The following FRY variants were observed in gnomAD, a reference collection of about 807,000 sequenced individuals.
FRY encodes the protein protein furry homolog.
Under a neutral mutation model 348.4 loss-of-function variants are expected in FRY, and 128 were observed. The ratio of observed to expected loss-of-function variants is 0.37; its 90% CI spans 0.32 to 0.43. FRY has a LOEUF of 0.43. Among genes scored for constraint, FRY ranks in the 20% least tolerant of loss-of-function variants. FRY has a pLI of 1.00. For missense variants in FRY, 2,736 were observed against 3,695.2 expected, an observed-to-expected ratio of 0.74 and a Z score of 6.73; for synonymous variants, 1,370 against 1,374.7, an observed-to-expected ratio of 1.00 and a Z score of 0.08.
intron 58 of FRY, among the ~76,000 whole-genome samples, chr13:32,286,724 G>GGAGACAGAGC (rs2138636796): frequency 8.4e-6 from 1 of 118,590 alleles, no homozygotes; most frequent in Admixed American, 1.1e-4. Flanking sequence ...TCCAGCCTGG[G>GGAGACAGAGC]GAGACAGAGC....
At chr13:32,068,058 T>A (rs1235120206) in intron 1 of FRY, among the ~76,000 whole-genome samples, 1 of 152,018 alleles carries the variant, frequency 6.6e-6, no homozygotes, top group East Asian at 1.9e-4. Flanking sequence ...TGAATTGGGG[T>A]AAGAGGTGTC....
intron 28 of FRY, among the ~76,000 whole-genome samples, chr13:32,188,460 T>G (rs145664115): frequency 1.9e-3 from 284 of 152,264 alleles, no homozygotes; most frequent in African/African-American, 6.6e-3. Context: ...TTGCCCTCAT[T>G]TGATGAGAAG....
intron 24 of FRY, 65 bp downstream of exon 24, chr13:32,183,099 A>G: frequency 1.1e-6 from 1 of 923,842 alleles, no homozygotes; most frequent in South Asian, 1.4e-5. Flanking sequence ...TTTAAATCAA[A>G]CCTAGTGATT....
intron 58 of FRY, among the ~76,000 whole-genome samples, chr13:32,279,839 AAG>A (rs1888725382): frequency 6.6e-6 from 1 of 152,244 alleles, no homozygotes. Context: ...GTTATTGAGC[AAG>A]TTTGCAGTCC....
Position 32,289,614 on chromosome 13 carries a change from A to G in FRY, c.8470-19A>G. ...TCTTTAACAATAACTGTTTCTTCCC[A>G]TGCAATTTCTCTCTTTAGCAATTGG... On this transcript the variant is annotated intron_variant, in intron 58 of 60. Transcript: ENST00000542859. 7.4e-7 allele frequency: 1 copy of G among 1,357,108 alleles called. No individual in the cohort carries two copies. The highest frequency in any genetic ancestry group is 1.1e-6 in the Non-Finnish European group (1 of 945,370). The allele number at this position is 1,357,108 out of a possible 1,614,324, so 84.1% of individuals were successfully genotyped here.
intron 29 of FRY, among the ~76,000 whole-genome samples, chr13:32,200,784 GTTCCTC>G (rs1419642418): frequency 6.6e-6 from 1 of 152,064 alleles, no homozygotes; most frequent in Non-Finnish European, 1.5e-5. Flanking sequence ...TCTATTCTGT[GTTCCTC>G]TCCCCCCATC....
intron 1 of FRY, among the ~76,000 whole-genome samples, chr13:32,066,104 G>A (rs957290911): frequency 3.3e-5 from 5 of 152,088 alleles, no homozygotes; most frequent in African/African-American, 1.2e-4. Flanking sequence ...AATCCTAAAA[G>A]GTCTTTTAAC....
At chr13:32,188,799 G>A (rs1214637913) in intron 28 of FRY, among the ~76,000 whole-genome samples, 1 of 152,060 alleles carries the variant, frequency 6.6e-6, no homozygotes, top group Non-Finnish European at 1.5e-5. Context: ...AAGATCTATA[G>A]AATCTTAATT....
chr13:32,078,808 G>C (rs749119880), intron 1 of FRY, 26 bp from the exon 2 acceptor site: 2 of 1,556,988 alleles, frequency 1.3e-6, no homozygotes, highest in Non-Finnish European at 1.8e-6. Context: ...TTATCAGCCA[G>C]TAAGAATGCC....
intron 34 of FRY, among the ~76,000 whole-genome samples, chr13:32,211,581 C>T (rs1433421755): frequency 1.3e-5 from 2 of 152,102 alleles, no homozygotes; most frequent in African/African-American, 4.8e-5. Context: ...TCAGCCGATC[C>T]CAGCCAGGAC....
chr13:32,286,241 T>C (rs1889043646), intron 58 of FRY, among the ~76,000 whole-genome samples: 1 of 152,220 alleles, frequency 6.6e-6, no homozygotes, highest in Admixed American at 6.5e-5. Flanking sequence ...ACTCAGATAC[T>C]TTTTGAAAGA....
intron 2 of FRY, among the ~76,000 whole-genome samples, chr13:32,101,242 A>G (rs1031318438): frequency 2.6e-5 from 4 of 152,132 alleles, no homozygotes; most frequent in African/African-American, 9.7e-5. Context: ...TGGCTTATAC[A>G]CTCAGCATAA....
At chr13:32,273,566 A>G (rs1593834762) in intron 55 of FRY, among the ~76,000 whole-genome samples, 1 of 152,180 alleles carries the variant, frequency 6.6e-6, no homozygotes, top group Non-Finnish European at 1.5e-5. Context: ...ATGAGGATTA[A>G]TGAGTGATGT....
chr13:32,174,083 C>T (rs1210066610), intron 19 of FRY, among the ~76,000 whole-genome samples: 3 of 152,234 alleles, frequency 2.0e-5, no homozygotes, highest in African/African-American at 7.2e-5. Flanking sequence ...AAATGCCATA[C>T]ACCTTGTTCA....
chr13:32,211,863 A>C (rs74044474), intron 34 of FRY, among the ~76,000 whole-genome samples: 6,002 of 152,088 alleles, frequency 0.039, 397 homozygotes, highest in African/African-American at 0.14. Context: ...ACACCCTGCC[A>C]CCAGAGCAGT....
intron 2 of FRY, among the ~76,000 whole-genome samples, chr13:32,085,415 C>G (rs1374368602): frequency 6.6e-6 from 1 of 152,170 alleles, no homozygotes; most frequent in East Asian, 1.9e-4. Flanking sequence ...CTTTGTAGAT[C>G]AAATGGACAA....
intron 1 of FRY, among the ~76,000 whole-genome samples, chr13:32,042,096 A>G (rs1872773644): frequency 6.6e-6 from 1 of 152,170 alleles, no homozygotes; most frequent in Non-Finnish European, 1.5e-5. Flanking sequence ...CCTTAGCACC[A>G]CTTTCTAGAG....
chr13:32,170,955 C>T lies in FRY; in HGVS notation c.1893-57C>T, dbSNP rs1009421848. ...ATTAATATCTATTAATCCTTGTTAG[C>T]TCTAGAAGACCAGTTAATAAAGTAA... On this transcript the variant is annotated intron_variant, in intron 17 of 60. Coordinates refer to ENST00000542859, the MANE Select transcript of FRY (RefSeq NM_023037.3). The T allele has an allele frequency of 3.3e-6, 4 of 1,227,908 alleles. No individual in the cohort carries two copies. In the East Asian group the frequency reaches 7.0e-5, roughly 21 times the overall value. The allele number at this position is 1,227,908 out of a possible 1,614,324, so 76.1% of individuals were successfully genotyped here. A position where few individuals can be genotyped will look rare whatever the true frequency, so the allele number is the denominator to read the frequency against.
chr13:32,045,297 C>T (rs1872963266), intron 1 of FRY, among the ~76,000 whole-genome samples: 1 of 152,176 alleles, frequency 6.6e-6, no homozygotes, highest in Admixed American at 6.5e-5. Flanking sequence ...CCTCGAATGA[C>T]ATCTCCCACA....
Sources: allele counts gnomAD v4.1 joint callset (sites outside exome capture counted in the v4.1 genomes callset), GRCh38; gene constraint gnomAD v4.1.1; transcripts MANE v1.5; gene names NCBI Gene and HGNC (gene_info 2026-07-23, HGNC 2026-07-21).